PLPP3: variants seen among roughly 807,000 people sequenced by gnomAD.
PLPP3 encodes phospholipid phosphatase 3.
Under a neutral mutation model 29.6 loss-of-function variants are expected in PLPP3, and 6 were observed. That is an observed-to-expected ratio of 0.20 (90% CI 0.11 to 0.40). The LOEUF is 0.40. PLPP3 is among the 10% of genes least tolerant of loss of function. The pLI, the probability that PLPP3 is intolerant of heterozygous loss-of-function variation, is 1.00. For synonymous variants in PLPP3, 152 were observed against 159.7 expected, an observed-to-expected ratio of 0.95 and a Z score of 0.36; for missense variants, 308 against 407.7, an observed-to-expected ratio of 0.76 and a Z score of 2.11.
chr1:56,507,384 A>G (rs909805458), intron 5 of PLPP3, among the ~76,000 whole-genome samples: 1 of 152,206 alleles, frequency 6.6e-6, no homozygotes, highest in African/African-American at 2.4e-5. Context: ...CTAATTCATC[A>G]TTCACCATTT....
intron 4 of PLPP3, among the ~76,000 whole-genome samples, chr1:56,523,049 T>A (rs1017981316): frequency 6.6e-6 from 1 of 152,192 alleles, no homozygotes; most frequent in Admixed American, 6.5e-5. Context: ...AATCAAATCA[T>A]GGTTCTACTA....
At chr1:56,559,848 A>G (rs552314985) in intron 1 of PLPP3, among the ~76,000 whole-genome samples, 1 of 152,222 alleles carries the variant, frequency 6.6e-6, no homozygotes, top group African/African-American at 2.4e-5. Context: ...AGAACTTTTG[A>G]TGCTTGTCCC....
rs757418849 is a variant in PLPP3 at position 56,524,540 on chromosome 1, T to A, written c.312A>T (p.Glu104Asp). 6.2e-7 allele frequency: 1 copy of A among 1,610,098 alleles called. No individual in the cohort carries two copies. Among genetic ancestry groups the A allele is most frequent in the East Asian group, 2.2e-5 (1 of 44,754 alleles). The part of the protein sequence containing the change: ...VIAILAIITG[E>D]FYRIYYLKKS... ...TCTTCAGGTAATAGATCCGGTAGAATTCCCCCGTGATGATCTAAAAGGAAT... is the reference window on the plus strand; with the variant it reads ...TCTTCAGGTAATAGATCCGGTAGAAATCCCCCGTGATGATCTAAAAGGAAT... The change falls in exon 3 of 6, where the codon GAA (glutamate) becomes GAT (aspartate). Residue 104 changes from glutamate (E) to aspartate (D), a missense_variant. Glu to Asp is a conservative substitution (Grantham distance 45). This residue lies in a region of PLPP3 where 232 missense variants were observed against 317.2 expected (regional missense o/e 0.73). Transcript: ENST00000371250. The surrounding 1 kb of genome is among the most constrained non-coding windows in gnomAD (Gnocchi z 4.3).
At position 56,524,820 on chromosome 1, in the gene PLPP3, G is replaced by A. The variant is rs1008827930; in HGVS notation, c.298-266C>T. 1.3e-5 allele frequency among the ~76,000 whole-genome samples: 2 copies of A among 151,992 alleles called. No individual in the cohort carries two copies. The highest frequency in any genetic ancestry group is 4.8e-5 in the African/African-American group (2 of 41,370). On this transcript the variant is annotated intron_variant, in intron 2 of 5. Transcript: ENST00000371250. The surrounding 1 kb of genome is among the most constrained non-coding windows in gnomAD (Gnocchi z 4.3). ...TATATATGTGTATGTGTGTGTGTGT[G>A]TGTGTGTGTGTGTATCTTTTTTTTT...
In PLPP3 at chr1:56,579,510, TGTTG is replaced by T. The variant is rs1646262994; in HGVS notation, c.-498_-495del. The T allele has an allele frequency of 5.7e-6, 1 of 173,956 alleles. No individual in the cohort carries two copies. The highest frequency in any genetic ancestry group is 2.4e-5 in the African/African-American group (1 of 41,578). 10.8% of individuals were successfully genotyped at this position (173,956 alleles called of 1,614,324 possible). On this transcript the variant is annotated 5_prime_UTR_variant, in exon 1 of 6. Coordinates refer to ENST00000371250, the MANE Select transcript of PLPP3 (RefSeq NM_003713.5). ...CTCCGGCTCCTCCTGCTCCTCCTGCTGTTGGTGCTGCTGCCGCGGCGGCTGCTGC... is the reference window on the plus strand; with the variant it reads ...CTCCGGCTCCTCCTGCTCCTCCTGCTGTGCTGCTGCCGCGGCGGCTGCTGC...
intron 4 of PLPP3, among the ~76,000 whole-genome samples, chr1:56,517,845 T>G (rs1487223365): frequency 6.6e-6 from 1 of 152,190 alleles, no homozygotes; most frequent in Non-Finnish European, 1.5e-5. Flanking sequence ...CCTCCACATT[T>G]GAAACACAAG....
intron 2 of PLPP3, 27 bp downstream of exon 2, chr1:56,536,928 C>T (rs1250319626): frequency 1.2e-6 from 2 of 1,610,606 alleles, no homozygotes; most frequent in Non-Finnish European, 1.7e-6. Flanking sequence ...CAGACAGGAT[C>T]CACCATAGCA....
chr1:56,530,685 T>G (rs1434516641), intron 2 of PLPP3, among the ~76,000 whole-genome samples: 1 of 73,656 alleles, frequency 1.4e-5, no homozygotes, highest in Non-Finnish European at 2.9e-5. Context: ...AATTAGAAAA[T>G]TGACCAAGCT....
At chr1:56,507,696 T>C (rs1341488869) in intron 5 of PLPP3, among the ~76,000 whole-genome samples, 2 of 152,190 alleles carry the variant, frequency 1.3e-5, no homozygotes, top group Non-Finnish European at 2.9e-5. Flanking sequence ...CAATGAATGA[T>C]GCTACATGAT....
At chr1:56,537,585 A>T (rs1439051696) in intron 1 of PLPP3, among the ~76,000 whole-genome samples, 1 of 152,124 alleles carries the variant, frequency 6.6e-6, no homozygotes, top group East Asian at 1.9e-4. Context: ...TCTGGATGTG[A>T]ACCCCAGATC....
intron 2 of PLPP3, among the ~76,000 whole-genome samples, chr1:56,531,657 C>T (rs1645889041): frequency 6.6e-6 from 1 of 152,202 alleles, no homozygotes; most frequent in African/African-American, 2.4e-5. Flanking sequence ...TACATAGCAC[C>T]GACCAGAGTG....
intron 4 of PLPP3, 80 bp downstream of exon 4, chr1:56,523,743 A>G (rs2100248851): frequency 6.8e-7 from 1 of 1,460,844 alleles, no homozygotes. Flanking sequence ...GCATGCCCCT[A>G]AACTATTTTG....
intron 1 of PLPP3, among the ~76,000 whole-genome samples, chr1:56,548,202 T>A (rs913597227): frequency 1.3e-5 from 2 of 152,176 alleles, no homozygotes; most frequent in Admixed American, 6.5e-5. Flanking sequence ...CACTCCCCAT[T>A]CCCAGTCCTG....
At chr1:56,498,050 A>T (rs1304771341) in intron 5 of PLPP3, among the ~76,000 whole-genome samples, 1 of 152,162 alleles carries the variant, frequency 6.6e-6, no homozygotes, top group Non-Finnish European at 1.5e-5. Context: ...TTGTTGTTAA[A>T]AAAAAAAAGC....
At chr1:56,536,758 A>C (rs1475623363) in intron 2 of PLPP3, among the ~76,000 whole-genome samples, 197 bp downstream of exon 2, 1 of 152,110 alleles carries the variant, frequency 6.6e-6, no homozygotes, top group East Asian at 1.9e-4. Flanking sequence ...TAACTCTCCC[A>C]TCTGTATAAT....
intron 4 of PLPP3, among the ~76,000 whole-genome samples, chr1:56,522,744 T>G (rs80256295): frequency 2.7e-4 from 41 of 152,316 alleles, no homozygotes; most frequent in African/African-American, 9.9e-4. Flanking sequence ...TTTCAATAAG[T>G]TGAAATCAAA....
intron 1 of PLPP3, among the ~76,000 whole-genome samples, chr1:56,557,032 G>GAGAGAAAGAAAGAA (rs1646086315): frequency 9.0e-5 from 1 of 11,100 alleles, no homozygotes; most frequent in African/African-American, 1.9e-4. Context: ...GAGAAAGAGA[G>GAGAGAAAGAAAGAA]AGAGAGAGAG....
chr1:56,523,052 T>C (rs899966951), intron 4 of PLPP3, among the ~76,000 whole-genome samples: 3 of 152,130 alleles, frequency 2.0e-5, no homozygotes, highest in Non-Finnish European at 4.4e-5. Context: ...CAAATCATGG[T>C]TCTACTACTG....
chr1:56,558,705 C>CCAGG (rs1276721798), intron 1 of PLPP3, among the ~76,000 whole-genome samples: 4 of 152,196 alleles, frequency 2.6e-5, no homozygotes, highest in Admixed American at 1.3e-4. Flanking sequence ...AACACTTGAT[C>CCAGG]CAGGTTATAA....
Sources: allele counts gnomAD v4.1 joint callset (sites outside exome capture counted in the v4.1 genomes callset), GRCh38; gene constraint gnomAD v4.1.1; regional missense constraint gnomAD v4.1.1; non-coding constraint Gnocchi (gnomAD v3.1); transcripts MANE v1.5; gene names NCBI Gene and HGNC (gene_info 2026-07-23, HGNC 2026-07-21).